The following ARID5B variants were observed in gnomAD, a reference collection of about 807,000 sequenced individuals.
The protein encoded by ARID5B is AT-rich interaction domain 5B, also known as AT-rich interactive domain-containing protein 5B.
In ARID5B, 13 loss-of-function variants were observed where a neutral mutation model predicts 97.2. That is an observed-to-expected ratio of 0.13 (90% CI 0.09 to 0.21). The LOEUF is 0.21. ARID5B is among the 10% of genes least tolerant of loss of function. The pLI is 1.00. For missense variants in ARID5B, 1,210 were observed against 1,465.3 expected (o/e 0.83, Z 2.84); for synonymous variants, 556 against 570.3 (o/e 0.97, Z 0.36).
chr10:62,062,171 T>G (rs1352950826), intron 7 of ARID5B, among the ~76,000 whole-genome samples: 2 of 152,210 alleles, frequency 1.3e-5, no homozygotes, highest in Non-Finnish European at 2.9e-5. Flanking sequence ...CCAGGAGATG[T>G]ACAAATAATA....
intron 9 of ARID5B, 150 bp from the exon 10 acceptor site, chr10:62,090,712 T>G: frequency 2.2e-6 from 2 of 926,014 alleles, no homozygotes; most frequent in Non-Finnish European, 3.1e-6. Context: ...AGAGCCATGA[T>G]TGGGGAGTAA....
In ARID5B at chr10:62,020,154, G is replaced by A. The variant is rs531878750; in HGVS notation, c.733+19833G>A. Among the ~76,000 whole-genome samples, 157 of 152,258 alleles carry A rather than the reference G, an allele frequency of 1.0e-3. 4 individuals are homozygous for A. In the South Asian group the frequency reaches 0.029, roughly 28 times the overall value. On this transcript the variant is annotated intron_variant, in intron 4 of 9. Coordinates refer to ENST00000279873, the MANE Select transcript of ARID5B (RefSeq NM_032199.3). The stretch of plus-strand genomic sequence containing the variant: ...AAAGCTACACTTCCAAGCAAACTTT[G>A]AATTAATATGTCACTCCCCTGGGTT...
rs185560801 is a variant in ARID5B, at chr10:62,094,552, T to G, written c.*1522T>G. On this transcript the variant is annotated 3_prime_UTR_variant, in exon 10 of 10. Coordinates refer to ENST00000279873, the MANE Select transcript of ARID5B (RefSeq NM_032199.3). ...ACAGTCCACTTTCTGGTTTCTTTTATTGTGGGAAGTAAATGGTCAAGCTGC... is the reference window on the plus strand; with the variant it reads ...ACAGTCCACTTTCTGGTTTCTTTTAGTGTGGGAAGTAAATGGTCAAGCTGC... 3.5e-5 allele frequency: 8 copies of G among 231,664 alleles called. No homozygotes were observed. The highest frequency in any genetic ancestry group is 1.3e-4 in the African/African-American group (6 of 45,370). The allele number at this position is 231,664 out of a possible 1,614,324, so 14.4% of individuals were successfully genotyped here.
chr10:61,975,559 T>C (rs992462955), intron 3 of ARID5B, among the ~76,000 whole-genome samples: 1 of 152,208 alleles, frequency 6.6e-6, no homozygotes, highest in Non-Finnish European at 1.5e-5. Flanking sequence ...TCTTTTTTTT[T>C]TGGCTACCAG....
chr10:61,970,235 CG>C (rs967242868), intron 3 of ARID5B, among the ~76,000 whole-genome samples: 1 of 152,162 alleles, frequency 6.6e-6, no homozygotes, highest in Non-Finnish European at 1.5e-5. Context: ...AACAAGAATG[CG>C]AACAGAAACA....
chr10:61,927,559 G>A (rs781395892), intron 2 of ARID5B, among the ~76,000 whole-genome samples: 2 of 152,202 alleles, frequency 1.3e-5, no homozygotes, highest in Non-Finnish European at 2.9e-5. Context: ...TACAAGAGAA[G>A]TGGAAGTTAG....
At chr10:62,080,398 A>G (rs1297298725) in intron 8 of ARID5B, among the ~76,000 whole-genome samples, 1 of 152,162 alleles carries the variant, frequency 6.6e-6, no homozygotes, top group Non-Finnish European at 1.5e-5. Flanking sequence ...GCTCATTTAC[A>G]TAGCACATTT....
At chr10:62,044,403 C>T (rs1331655597) in intron 4 of ARID5B, among the ~76,000 whole-genome samples, 3 of 126,468 alleles carry the variant, frequency 2.4e-5, no homozygotes, top group Non-Finnish European at 4.8e-5. Flanking sequence ...TTTTAAGAGA[C>T]AAGGTCTCAC....
At chr10:62,045,037 G>A (rs1839688166) in intron 4 of ARID5B, among the ~76,000 whole-genome samples, 1 of 152,204 alleles carries the variant, frequency 6.6e-6, no homozygotes, top group African/African-American at 2.4e-5. Flanking sequence ...AAATATAACT[G>A]TGGATTTGAA....
intron 2 of ARID5B, among the ~76,000 whole-genome samples, chr10:61,936,482 A>G (rs1323839395): frequency 2.0e-5 from 3 of 152,136 alleles, no homozygotes; most frequent in Admixed American, 1.3e-4. Flanking sequence ...GCCAGGCGTG[A>G]TGGCAGGCAC....
intron 3 of ARID5B, among the ~76,000 whole-genome samples, chr10:61,997,703 T>C (rs1451515810): frequency 2.0e-5 from 3 of 152,206 alleles, no homozygotes; most frequent in Non-Finnish European, 4.4e-5. Flanking sequence ...AATGGTTATA[T>C]GCCTCTCTCT....
intron 2 of ARID5B, among the ~76,000 whole-genome samples, chr10:61,913,152 G>A (rs1195943566): frequency 6.6e-6 from 1 of 152,214 alleles, no homozygotes; most frequent in Non-Finnish European, 1.5e-5. Flanking sequence ...ACCAGTGAAG[G>A]TCAGATGCAG....
intron 3 of ARID5B, among the ~76,000 whole-genome samples, chr10:61,944,365 G>C (rs1241699005): frequency 1.3e-5 from 2 of 152,140 alleles, no homozygotes; most frequent in Non-Finnish European, 2.9e-5. Flanking sequence ...TTATAATAAA[G>C]TGGACTTGAT....
At chr10:61,918,723 T>C (rs918325756) in intron 2 of ARID5B, among the ~76,000 whole-genome samples, 3 of 152,172 alleles carry the variant, frequency 2.0e-5, no homozygotes, top group African/African-American at 7.2e-5. Flanking sequence ...TCTATTCTGT[T>C]CCATGTAGAT....
intron 7 of ARID5B, among the ~76,000 whole-genome samples, chr10:62,063,601 C>A (rs1839950153): frequency 6.6e-6 from 1 of 152,088 alleles, no homozygotes; most frequent in Admixed American, 6.5e-5. Context: ...TCTCTTCTGC[C>A]TTTGCTGGAA....
chr10:61,904,319 G>A (rs1843672385), intron 2 of ARID5B, among the ~76,000 whole-genome samples: 1 of 152,076 alleles, frequency 6.6e-6, no homozygotes, highest in Admixed American at 6.5e-5. Flanking sequence ...TAAAGACCCT[G>A]AGTTGACCCC....
chr10:62,033,107 G>A (rs1839518105), intron 4 of ARID5B, among the ~76,000 whole-genome samples: 1 of 152,158 alleles, frequency 6.6e-6, no homozygotes, highest in Admixed American at 6.5e-5. Context: ...TATTTATTGA[G>A]TTCCTGCAAT....
At chr10:61,976,646 G>A (rs954554661) in intron 3 of ARID5B, among the ~76,000 whole-genome samples, 10 of 152,146 alleles carry the variant, frequency 6.6e-5, no homozygotes, top group African/African-American at 1.9e-4. Context: ...TGGTGGTGCC[G>A]CTGAAACTCT....
Position 62,080,225 on chromosome 10 carries a change from A to T in ARID5B, c.1200-5477A>T, listed in dbSNP as rs184399394. ...GGCCTCTTTCTCACCTGTCTTGGTT[A>T]TGGGGAGAGCTTGTCACACTCGGCA... On this transcript the variant is annotated intron_variant, in intron 8 of 9. Transcript: ENST00000279873. Among the ~76,000 whole-genome samples, 615 of 152,150 alleles carry T rather than the reference A, an allele frequency of 4.0e-3. 5 individuals carry two copies. The highest frequency in any genetic ancestry group is 7.5e-3 in the Non-Finnish European group (513 of 68,010).
Sources: gnomAD v4.1 joint callset for allele counts (sites outside exome capture counted in the v4.1 genomes callset) on GRCh38, gnomAD v4.1.1 for gene constraint, MANE v1.5 for transcripts, NCBI Gene and HGNC (gene_info 2026-07-23, HGNC 2026-07-21) for gene names.